RTRAF: variants seen among roughly 807,000 people sequenced by gnomAD.
RTRAF encodes the protein tRNA-splicing ligase complex subunit RTRAF.
A neutral mutation model predicts 34.4 loss-of-function variants in RTRAF; 14 were observed. The ratio of observed to expected loss-of-function variants is 0.41; its 90% CI spans 0.27 to 0.64. The LOEUF is 0.64. Among genes scored for constraint, RTRAF ranks in the 30% least tolerant of loss-of-function variants. RTRAF has a pLI of 0.34. For missense variants in RTRAF, 291 were observed against 288.4 expected (o/e 1.01, Z -0.06); for synonymous variants, 96 against 95.3 (o/e 1.01, Z -0.04).
At position 52,006,749 on chromosome 14, in the gene RTRAF, G is replaced by A. The variant is rs1890800906; in HGVS notation, c.*2233G>A. On this transcript the variant is annotated 3_prime_UTR_variant, in exon 8 of 8. Coordinates refer to ENST00000261700, the MANE Select transcript of RTRAF (RefSeq NM_016039.3). ...GTGATAGTGACACAGTGATAGAATG[G>A]GGAAATAGGATATTTTACTTCCATT... 4 of 1,388,236 alleles carry A rather than the reference G, an allele frequency of 2.9e-6. No homozygotes were observed. The Admixed American group carries it at 5.6e-5, about 20-fold the overall frequency. The allele number at this position is 1,388,236 out of a possible 1,614,324, so 86.0% of individuals were successfully genotyped here. A position where few individuals can be genotyped will look rare whatever the true frequency, so the allele number is the denominator to read the frequency against.
chr14:52,001,947 T>C, intron 6 of RTRAF, 81 bp downstream of exon 6: 1 of 1,175,160 alleles, frequency 8.5e-7, no homozygotes, highest in Non-Finnish European at 1.2e-6. Flanking sequence ...TGCATGTATC[T>C]GTTTAAGATA....
chr14:52,009,481 C>T lies in RTRAF; in HGVS notation c.*4965C>T, dbSNP rs1890924745. On this transcript the variant is annotated 3_prime_UTR_variant, in exon 8 of 8. Coordinates refer to ENST00000261700, the MANE Select transcript of RTRAF (RefSeq NM_016039.3). Reference sequence around the variant, plus strand: ...AGATGTAATTACATGTGTTATATTGCAACCTGGTTCAAGGTGGGTTTTCTT... The same window carrying T: ...AGATGTAATTACATGTGTTATATTGTAACCTGGTTCAAGGTGGGTTTTCTT... 2 of 152,196 alleles carry T rather than the reference C, an allele frequency of 1.3e-5. No homozygotes were observed. The highest frequency in any genetic ancestry group is 2.4e-5 in the African/African-American group (1 of 41,444). The allele number at this position is 152,196 out of a possible 1,614,324, so 9.4% of individuals were successfully genotyped here. A position where few individuals can be genotyped will look rare whatever the true frequency, so the allele number is the denominator to read the frequency against.
rs776704250 is a variant in RTRAF at position 52,005,897 on chromosome 14, TAAAG to T, written c.*1384_*1387del. 2.2e-6 allele frequency: 3 copies of T among 1,385,422 alleles called. No homozygotes were observed. In the Admixed American group the frequency reaches 5.3e-5, roughly 24 times the overall value. 85.8% of individuals were successfully genotyped at this position (1,385,422 alleles called of 1,614,324 possible). On this transcript the variant is annotated 3_prime_UTR_variant, in exon 8 of 8. Transcript: ENST00000261700. The stretch of plus-strand genomic sequence containing the variant: ...AATTCAGGGACAGTCATTTACTAGA[TAAAG>T]AAGTCAGTCAGCCACAGAAAATCAG...
In RTRAF at chr14:52,007,123, G is replaced by C. The variant is rs1890816685; in HGVS notation, c.*2607G>C. 6.5e-6 allele frequency: 1 copy of C among 154,548 alleles called. No individual in the cohort carries two copies. Among genetic ancestry groups the C allele is most frequent in the South Asian group, 2.0e-4 (1 of 5,032 alleles). 9.6% of individuals were successfully genotyped at this position (154,548 alleles called of 1,614,324 possible). A position where few individuals can be genotyped will look rare whatever the true frequency, so the allele number is the denominator to read the frequency against. On this transcript the variant is annotated 3_prime_UTR_variant, in exon 8 of 8. Transcript: ENST00000261700. The stretch of plus-strand genomic sequence containing the variant: ...ACATAACTCATATTTCAATGTAAAG[G>C]AATCAGTCTTAAAAATTTTTACAAT...
chr14:52,006,188 ACTTAAGCCCT>A lies in RTRAF; in HGVS notation c.*1673_*1682del. The A allele has an allele frequency of 2.5e-6, 1 of 398,478 alleles. No homozygotes were observed. The highest frequency in any genetic ancestry group is 2.8e-5 in the South Asian group (1 of 36,258). The allele number at this position is 398,478 out of a possible 1,614,324, so 24.7% of individuals were successfully genotyped here. A position where few individuals can be genotyped will look rare whatever the true frequency, so the allele number is the denominator to read the frequency against. ...AATATGTCCACAGTGTCAAAAGCCA[ACTTAAGCCCT>A]GTAATATAGCTCATGGTATCAAGGG... On this transcript the variant is annotated 3_prime_UTR_variant, in exon 8 of 8. Coordinates refer to ENST00000261700, the MANE Select transcript of RTRAF (RefSeq NM_016039.3).
rs568501891 is a variant in RTRAF at position 52,004,787 on chromosome 14, A to C, written c.*271A>C. 3.3e-6 allele frequency: 1 copy of C among 300,540 alleles called. No individual in the cohort carries two copies. The highest frequency in any genetic ancestry group is 1.2e-4 in the South Asian group (1 of 8,352). 18.6% of individuals were successfully genotyped at this position (300,540 alleles called of 1,614,324 possible). A position where few individuals can be genotyped will look rare whatever the true frequency, so the allele number is the denominator to read the frequency against. ...AACCCCCAGCTTTGTCCTAGAGACAATATAGATCCTTAAGTCATAGGAAAA... is the reference window on the plus strand; with the variant it reads ...AACCCCCAGCTTTGTCCTAGAGACACTATAGATCCTTAAGTCATAGGAAAA... On this transcript the variant is annotated 3_prime_UTR_variant, in exon 8 of 8. Transcript: ENST00000261700.
At position 51,989,617 on chromosome 14, in the gene RTRAF, G is replaced by A. The variant is rs762326444; in HGVS notation, c.-23G>A. On this transcript the variant is annotated 5_prime_UTR_variant, in exon 1 of 8. Transcript: ENST00000261700. ...CTTCTCTCCCGGCCGAGGCCCGGGG[G>A]ACCAGAGCGAGAAGCGGGGACCATG... is the stretch of plus-strand genomic sequence containing the variant. The A allele has an allele frequency of 7.5e-6, 12 of 1,593,560 alleles. No individual in the cohort carries two copies. Among genetic ancestry groups the A allele is most frequent in the African/African-American group, 1.3e-5 (1 of 74,078 alleles).
chr14:51,993,932 G>T, intron 3 of RTRAF, 110 bp downstream of exon 3: 6 of 585,484 alleles, frequency 1.0e-5, no homozygotes, highest in Non-Finnish European at 1.5e-5. Flanking sequence ...TTTTACCTTT[G>T]GTTTATTCTT....
rs1890673027 is a variant in RTRAF, at chr14:52,004,432, A to C, written c.651A>C (p.Thr217=). 1.9e-6 allele frequency: 3 copies of C among 1,614,032 alleles called. No individual in the cohort carries two copies. In the South Asian group the frequency reaches 3.3e-5, roughly 18 times the overall value. The change falls in exon 8 of 8, where the codon ACA becomes ACC. Residue 217 remains threonine, a synonymous_variant. Coordinates refer to ENST00000261700, the MANE Select transcript of RTRAF (RefSeq NM_016039.3). ...TAGAGGAGCTCAGAGAGCTACAGAC[A>C]AAAATCAACGAAGCCATAGTAGCTG... The part of the protein sequence containing the change: ...LHIEELRELQ[T]KINEAIVAVQ...
chr14:51,993,524 C>A (rs1173217469), intron 2 of RTRAF, among the ~76,000 whole-genome samples, 199 bp from the exon 3 acceptor site: 1 of 152,028 alleles, frequency 6.6e-6, no homozygotes, highest in African/African-American at 2.4e-5. Context: ...AGGAAGTTGT[C>A]GTATTCTATT....
intron 3 of RTRAF, among the ~76,000 whole-genome samples, chr14:51,994,040 T>C (rs1430059215): frequency 6.6e-6 from 1 of 152,242 alleles, no homozygotes; most frequent in Non-Finnish European, 1.5e-5. Flanking sequence ...TAATTGACTG[T>C]CTTCTCACAG....
chr14:51,998,112 T>G (rs1456837562), intron 3 of RTRAF: 1 of 156,286 alleles, frequency 6.4e-6, no homozygotes, highest in Non-Finnish European at 1.4e-5. Context: ...TCCTAAATGC[T>G]CCAAAATCCA....
intron 5 of RTRAF, among the ~76,000 whole-genome samples, chr14:52,001,117 G>A (rs764571808): frequency 5.1e-4 from 77 of 151,996 alleles, no homozygotes; most frequent in Non-Finnish European, 1.5e-4. Context: ...GTTTGAATTC[G>A]GTTTTTCAAA....
Position 51,991,348 on chromosome 14 carries a change from G to T in RTRAF, c.93G>T (p.Trp31Cys). ...CAGAATTTAGAAACTTCATCGTTTG[G>T]CTTGAAGACCAGAAAATCAGGCACT... ...DETEFRNFIVWLEDQKIRHYK... is the reference protein window; with the variant it reads ...DETEFRNFIVCLEDQKIRHYK... Residue 31 changes from tryptophan to cysteine, a missense_variant, in exon 2 of 8, where the codon TGG (tryptophan) becomes TGT (cysteine). By Grantham distance (215) the Trp-to-Cys change is radical (BLOSUM62 -2). Transcript: ENST00000261700. 2 of 1,613,414 alleles carry T rather than the reference G, an allele frequency of 1.2e-6. No homozygotes were observed. Among genetic ancestry groups the T allele is most frequent in the Non-Finnish European group, 1.7e-6 (2 of 1,179,584 alleles).
At chr14:51,997,207 A>T (rs1278867013) in intron 3 of RTRAF, among the ~76,000 whole-genome samples, 2 of 151,906 alleles carry the variant, frequency 1.3e-5, no homozygotes, top group African/African-American at 4.8e-5. Context: ...TTGCGCCTCA[A>T]GTTTCCCCCA....
At chr14:52,001,421 G>A (rs1476761002) in intron 5 of RTRAF, among the ~76,000 whole-genome samples, 1 of 152,174 alleles carries the variant, frequency 6.6e-6, no homozygotes, top group Non-Finnish European at 1.5e-5. Context: ...TTCGTGCTAA[G>A]CATGCTCGTC....
chr14:52,001,951 T>G, intron 6 of RTRAF, 85 bp downstream of exon 6: 2 of 1,148,342 alleles, frequency 1.7e-6, no homozygotes, highest in Admixed American at 2.4e-5. Flanking sequence ...TGTATCTGTT[T>G]AAGATATCCA....
chr14:51,995,768 G>C (rs1346867100), intron 3 of RTRAF, among the ~76,000 whole-genome samples: 1 of 151,618 alleles, frequency 6.6e-6, no homozygotes, highest in East Asian at 1.9e-4. Context: ...AAAATCTTAA[G>C]GAAAGCTCAA....
Position 52,004,218 on chromosome 14 carries a change from CAT to C in RTRAF, c.559_560del (p.Ile187SerfsTer4). ...GGGCTTACCTGTTGCTTTAGACAAA[CAT>C]ATTCTTGGTTTTGACACAGGAGGTA... ...KEGLPVALDK[H>X]ILGFDTGDAV... On this transcript the variant is annotated frameshift_variant, in exon 7 of 8. Transcript: ENST00000261700. LOFTEE classifies it high-confidence loss of function. The C allele has an allele frequency of 6.2e-7, 1 of 1,613,352 alleles. No homozygotes were observed. The highest frequency in any genetic ancestry group is 8.5e-7 in the Non-Finnish European group (1 of 1,179,472).
Sources: allele counts gnomAD v4.1 joint callset (sites outside exome capture counted in the v4.1 genomes callset), GRCh38; gene constraint gnomAD v4.1.1; transcripts MANE v1.5; gene names NCBI Gene and HGNC (gene_info 2026-07-23, HGNC 2026-07-21).